Variants in RHBDD1 observed in about 807,000 individuals in gnomAD.
RHBDD1 encodes the protein rhomboid domain containing 1.
Under a neutral mutation model 36.3 loss-of-function variants are expected in RHBDD1, and 38 were observed. The observed-to-expected ratio is 1.05, with a 90% CI of 0.81 to 1.37. The LOEUF is 1.37. RHBDD1 is among the 40% of genes most tolerant of loss of function. The pLI is 0.00. For synonymous variants in RHBDD1, 151 were observed against 136.5 expected (o/e 1.11, Z -0.74); for missense variants, 393 against 377.6 (o/e 1.04, Z -0.34).
chr2:226,886,621 G>A (rs916617204), intron 5 of RHBDD1, among the ~76,000 whole-genome samples: 1 of 152,058 alleles, frequency 6.6e-6, no homozygotes, highest in Admixed American at 6.6e-5. Context: ...TAAAAATACA[G>A]AATTTTATAG....
At chr2:226,988,495 C>G in intron 8 of RHBDD1, 1 of 1,535,926 alleles carries the variant, frequency 6.5e-7, no homozygotes. Context: ...TGAGCAAAGA[C>G]TCAGGCCTTG....
intron 5 of RHBDD1, among the ~76,000 whole-genome samples, chr2:226,902,648 A>G (rs1179491658): frequency 6.6e-6 from 1 of 152,196 alleles, no homozygotes; most frequent in African/African-American, 2.4e-5. Flanking sequence ...TTTTGATTGA[A>G]TAAGATCATA....
chr2:226,820,644 C>CAAAAAAAA, the RHBDD1 span, among the ~76,000 whole-genome samples: 9 of 63,510 alleles, frequency 1.4e-4, no homozygotes, highest in African/African-American at 3.2e-4. Context: ...TCCATCTCCA[C>CAAAAAAAA]AAAAAAAAAA....
the RHBDD1 span, among the ~76,000 whole-genome samples, chr2:226,800,962 G>A: frequency 0.066 from 10,080 of 152,226 alleles, 639 homozygotes; most frequent in African/African-American, 0.17. Flanking sequence ...ACGCTCCCCA[G>A]AGTTTTTTTA....
chr2:226,884,551 A>T (rs943861349), intron 5 of RHBDD1, among the ~76,000 whole-genome samples: 1 of 152,182 alleles, frequency 6.6e-6, no homozygotes, highest in Non-Finnish European at 1.5e-5. Flanking sequence ...TGGGTCAAAT[A>T]AATAACAAGT....
At chr2:226,808,853 A>T in the RHBDD1 span, among the ~76,000 whole-genome samples, 2 of 151,474 alleles carry the variant, frequency 1.3e-5, no homozygotes, top group Non-Finnish European at 2.9e-5. Flanking sequence ...ACAGTTCTTG[A>T]TGGAAGTAGT....
chr2:226,916,409 T>C (rs1355393862), intron 8 of RHBDD1, among the ~76,000 whole-genome samples: 4 of 152,156 alleles, frequency 2.6e-5, no homozygotes, highest in African/African-American at 9.7e-5. Context: ...TTTTAACAAA[T>C]TCTCATGGTT....
chr2:226,855,079 G>A (rs763904100), intron 3 of RHBDD1, among the ~76,000 whole-genome samples: 4 of 152,214 alleles, frequency 2.6e-5, no homozygotes, highest in Non-Finnish European at 4.4e-5. Flanking sequence ...GGGTGGCACT[G>A]ATACTAAAGG....
chr2:226,872,677 G>C (rs554751566), intron 5 of RHBDD1, among the ~76,000 whole-genome samples: 5 of 152,124 alleles, frequency 3.3e-5, no homozygotes, highest in Non-Finnish European at 7.4e-5. Context: ...GCAGGTTTTA[G>C]TTTTCTTCAT....
the RHBDD1 span, among the ~76,000 whole-genome samples, chr2:226,826,082 T>C: frequency 6.6e-6 from 1 of 152,142 alleles, no homozygotes; most frequent in African/African-American, 2.4e-5. Flanking sequence ...AAAATAATAA[T>C]GAGTTGTAAC....
At chr2:226,856,385 C>T (rs541611229) in intron 3 of RHBDD1, among the ~76,000 whole-genome samples, 20 of 152,066 alleles carry the variant, frequency 1.3e-4, no homozygotes, top group Non-Finnish European at 2.9e-4. Flanking sequence ...TGAAAATCTA[C>T]ATTTTGTAAC....
chr2:226,935,108 A>T (rs1455269406), intron 8 of RHBDD1: 2 of 152,124 alleles, frequency 1.3e-5, no homozygotes, highest in Non-Finnish European at 2.9e-5. Context: ...TGCACTACAC[A>T]GTTGAGGTTG....
chr2:226,821,405 G>C, the RHBDD1 span, among the ~76,000 whole-genome samples: 1 of 151,942 alleles, frequency 6.6e-6, no homozygotes, highest in African/African-American at 2.4e-5. Context: ...CTTTGCTTGA[G>C]TTAGTGTCCA....
At chr2:226,882,450 A>G (rs1218625231) in intron 5 of RHBDD1, among the ~76,000 whole-genome samples, 2 of 149,318 alleles carry the variant, frequency 1.3e-5, no homozygotes, top group African/African-American at 5.0e-5. Context: ...AAAAAAAAAA[A>G]AAAAGAAGAA....
chr2:226,811,196 A>G, the RHBDD1 span, among the ~76,000 whole-genome samples: 1 of 152,088 alleles, frequency 6.6e-6, no homozygotes, highest in Admixed American at 6.5e-5. Flanking sequence ...TGGGGACTCT[A>G]AAGCAGAGCT....
intron 3 of RHBDD1, among the ~76,000 whole-genome samples, chr2:226,846,484 C>T (rs1003959027): frequency 2.0e-5 from 3 of 152,132 alleles, no homozygotes; most frequent in Non-Finnish European, 2.9e-5. Flanking sequence ...TGTCTCACGC[C>T]TGTAATCCCA....
rs139054774 is a variant in RHBDD1, at chr2:226,906,847, A to C, written c.621A>C (p.Gln207His). 5 of 1,614,034 alleles carry C rather than the reference A, an allele frequency of 3.1e-6. No homozygotes were observed. The highest frequency in any genetic ancestry group is 2.5e-6 in the Non-Finnish European group (3 of 1,180,012). ...TTCTTGTTGGACTAATGTACACTCAAGGGCCTCTGAAGAAAATCATGGAAG... is the reference window on the plus strand; with the variant it reads ...TTCTTGTTGGACTAATGTACACTCACGGGCCTCTGAAGAAAATCATGGAAG... ...AGILVGLMYT[Q>H]GPLKKIMEAC... The change falls in exon 6 of 9, where the codon CAA (glutamine) becomes CAC (histidine). Residue 207 changes from glutamine (Q) to histidine (H), a missense_variant. Coordinates refer to ENST00000392062, the MANE Select transcript of RHBDD1 (RefSeq NM_001167608.3).
intron 5 of RHBDD1, among the ~76,000 whole-genome samples, chr2:226,868,797 T>C (rs934197556): frequency 2.6e-5 from 4 of 152,188 alleles, no homozygotes; most frequent in African/African-American, 9.7e-5. Context: ...GGCCCCTGAG[T>C]ACCACTCATT....
At chr2:226,869,963 G>C (rs1944651770) in intron 5 of RHBDD1, among the ~76,000 whole-genome samples, 1 of 152,186 alleles carries the variant, frequency 6.6e-6, no homozygotes, top group Non-Finnish European at 1.5e-5. Flanking sequence ...ATGGGAGGAA[G>C]GGGGATATGT....
Sources: gnomAD v4.1 joint callset for allele counts (sites outside exome capture counted in the v4.1 genomes callset) on GRCh38, gnomAD v4.1.1 for gene constraint, MANE v1.5 for transcripts, NCBI Gene and HGNC (gene_info 2026-07-23, HGNC 2026-07-21) for gene names.